The following MAU2 variants were observed in gnomAD, a reference collection of about 807,000 sequenced individuals.
MAU2 encodes MAU2 chromatid cohesion factor homolog.
A neutral mutation model predicts 89.1 loss-of-function variants in MAU2; 9 were observed. That is an observed-to-expected ratio of 0.10 (90% confidence interval 0.06 to 0.18). The LOEUF is 0.18. Ranked by LOEUF, MAU2 falls within the 10% of genes least tolerant of loss-of-function variation. MAU2 has a pLI of 1.00. For synonymous variants in MAU2, 357 were observed against 343.4 expected, an observed-to-expected ratio of 1.04 and a Z score of -0.44; for missense variants, 425 against 803.5, an observed-to-expected ratio of 0.53 and a Z score of 5.69.
intron 1 of MAU2, among the ~76,000 whole-genome samples, chr19:19,323,478 G>A (rs2061480619): frequency 1.3e-5 from 2 of 152,102 alleles, no homozygotes; most frequent in African/African-American, 4.8e-5. Context: ...ATAGGTGTGA[G>A]TCACCACATC....
chr19:19,327,629 C>A (rs957072882), intron 1 of MAU2, among the ~76,000 whole-genome samples: 1 of 152,006 alleles, frequency 6.6e-6, no homozygotes, highest in African/African-American at 2.4e-5. Context: ...CCGGCCTCTA[C>A]TTTTATTAGA....
At chr19:19,341,227 T>A in intron 6 of MAU2, 25 bp from the exon 7 acceptor site, 1 of 1,605,128 alleles carries the variant, frequency 6.2e-7, no homozygotes. Context: ...CCCTGTACCC[T>A]ACACCTGCGC....
In MAU2 at chr19:19,345,938, C is replaced by T. The variant is rs1599919363; in HGVS notation, c.1221+569C>T. Among the ~76,000 whole-genome samples, 1 of 152,194 alleles carries T rather than the reference C, an allele frequency of 6.6e-6. No homozygotes were observed. Among genetic ancestry groups the T allele is most frequent in the East Asian group, 1.9e-4 (1 of 5,194 alleles). On this transcript the variant is annotated intron_variant, in intron 12 of 18. Coordinates refer to ENST00000262815, the MANE Select transcript of MAU2 (RefSeq NM_015329.4). This position sits in a 1 kb window ranked among gnomAD's most constrained non-coding sequence, Gnocchi z 4.9. ...CTGGACCATTGTGTCCCCACCTCAG[C>T]CTCAACCTCCTCACAGGAAATGGAG...
intron 7 of MAU2, among the ~76,000 whole-genome samples, 180 bp from the exon 8 acceptor site, chr19:19,342,355 G>T (rs2061656937): frequency 6.6e-6 from 1 of 152,194 alleles, no homozygotes; most frequent in African/African-American, 2.4e-5. Flanking sequence ...TGTGCCCCAT[G>T]CCCCAAAAGC....
intron 12 of MAU2, among the ~76,000 whole-genome samples, chr19:19,346,325 C>T (rs1213496173): frequency 2.0e-5 from 3 of 152,148 alleles, no homozygotes; most frequent in African/African-American, 7.2e-5. Flanking sequence ...CCGTCTCCGT[C>T]TCACTCCCCA....
At chr19:19,339,866 A>G (rs954173983) in intron 5 of MAU2, among the ~76,000 whole-genome samples, 17 of 151,762 alleles carry the variant, frequency 1.1e-4, no homozygotes, top group African/African-American at 3.9e-4. Flanking sequence ...TCTACTAAAA[A>G]TATAAAAATT....
intron 1 of MAU2, among the ~76,000 whole-genome samples, chr19:19,322,803 A>G (rs2061472189): frequency 6.6e-6 from 1 of 152,320 alleles, no homozygotes; most frequent in South Asian, 2.1e-4. Flanking sequence ...GCCCACCCTC[A>G]GCTAGTAACA....
At chr19:19,349,999 T>TA (rs1336821234) in intron 16 of MAU2, among the ~76,000 whole-genome samples, 14 of 149,098 alleles carry the variant, frequency 9.4e-5, no homozygotes, top group African/African-American at 1.7e-4. Flanking sequence ...TTTTTTTTTT[T>TA]AAGAAGATAT....
At position 19,355,888 on chromosome 19, in the gene MAU2, T is replaced by C. The variant is rs111867050; in HGVS notation, c.*106T>C. The C allele has an allele frequency of 2.0e-4, 215 of 1,102,328 alleles. No individual in the cohort carries two copies. The African/African-American group carries it at 2.6e-3, about 13-fold the overall frequency. The allele number at this position is 1,102,328 out of a possible 1,614,324, so 68.3% of individuals were successfully genotyped here. On this transcript the variant is annotated 3_prime_UTR_variant, in exon 19 of 19. Coordinates refer to ENST00000262815, the MANE Select transcript of MAU2 (RefSeq NM_015329.4). Reference sequence around the variant, plus strand: ...GGCGTGCTTCCTTCCTGATTGTCTCTAGAGCTTCCAAGTCCTGGGAATGTG... The same window carrying C: ...GGCGTGCTTCCTTCCTGATTGTCTCCAGAGCTTCCAAGTCCTGGGAATGTG...
At chr19:19,333,247 G>C (rs1294368496) in intron 1 of MAU2, among the ~76,000 whole-genome samples, 1 of 152,154 alleles carries the variant, frequency 6.6e-6, no homozygotes, top group East Asian at 1.9e-4. Context: ...CACCTTTGAA[G>C]CCCAAGACAG....
chr19:19,336,305 T>A, intron 3 of MAU2, 118 bp downstream of exon 3: 1 of 721,330 alleles, frequency 1.4e-6, no homozygotes, highest in Non-Finnish European at 2.4e-6. Context: ...TTTTGTTTTT[T>A]TGGTCGGGGT....
intron 16 of MAU2, among the ~76,000 whole-genome samples, chr19:19,351,381 A>G (rs1246074592): frequency 6.6e-6 from 1 of 151,718 alleles, no homozygotes. Context: ...AAAAAAAGAT[A>G]TTTTCCAGCC....
intron 13 of MAU2, chr19:19,347,969 G>A (rs2061709577): frequency 6.6e-6 from 1 of 150,894 alleles, no homozygotes; most frequent in African/African-American, 2.5e-5. Context: ...TCAGCTCTGG[G>A]ATTCCCTCCT....
intron 1 of MAU2, among the ~76,000 whole-genome samples, chr19:19,326,702 G>GTATATATATA (rs560689514): frequency 6.1e-5 from 3 of 49,156 alleles, no homozygotes; most frequent in Non-Finnish European, 1.5e-4. Context: ...ATATATATAT[G>GTATATATATA]TATATATATA....
chr19:19,344,145 C>T (rs1384024678), intron 10 of MAU2: 3 of 557,734 alleles, frequency 5.4e-6, no homozygotes, highest in East Asian at 6.3e-5. Context: ...GGCGCAGTGG[C>T]TCACGCCTGT....
intron 2 of MAU2, 117 bp downstream of exon 2, chr19:19,335,852 C>A: frequency 1.6e-6 from 2 of 1,220,420 alleles, no homozygotes; most frequent in South Asian, 1.2e-5. Flanking sequence ...GCTCGGCCCA[C>A]AGAGCACCTG....
chr19:19,328,359 T>G (rs2061528442), intron 1 of MAU2, among the ~76,000 whole-genome samples: 2 of 152,066 alleles, frequency 1.3e-5, no homozygotes, highest in Non-Finnish European at 2.9e-5. Context: ...CAGATCCATC[T>G]TGGTCATTTG....
At chr19:19,333,241 T>G (rs574911201) in intron 1 of MAU2, among the ~76,000 whole-genome samples, 8 of 152,278 alleles carry the variant, frequency 5.3e-5, no homozygotes, top group African/African-American at 1.4e-4. Flanking sequence ...TCCCAGCACC[T>G]TTGAAGCCCA....
At chr19:19,346,109 G>A (rs1490615301) in intron 12 of MAU2, among the ~76,000 whole-genome samples, 9 of 152,110 alleles carry the variant, frequency 5.9e-5, no homozygotes, top group Admixed American at 1.3e-4. Flanking sequence ...CCCATTCCAC[G>A]GCACCCCGCA....
Sources: allele counts gnomAD v4.1 joint callset (sites outside exome capture counted in the v4.1 genomes callset), GRCh38; gene constraint gnomAD v4.1.1; non-coding constraint Gnocchi (gnomAD v3.1); transcripts MANE v1.5; gene names NCBI Gene and HGNC (gene_info 2026-07-23, HGNC 2026-07-21).